RFFL: variants seen among roughly 807,000 people sequenced by gnomAD.
RFFL encodes ring finger and FYVE like domain containing E3 ubiquitin protein ligase, also known as E3 ubiquitin-protein ligase rififylin.
In RFFL, 16 loss-of-function variants were observed where a neutral mutation model predicts 40.4. The ratio of observed to expected loss-of-function variants is 0.40; its 90% CI spans 0.27 to 0.60. The LOEUF is 0.60. RFFL is among the 20% of genes least tolerant of loss of function. The probability of loss-of-function intolerance (pLI) is 0.47; values close to 1 mark genes in which losing one functional copy is unlikely to be tolerated. For synonymous variants in RFFL, 154 were observed against 167.9 expected (o/e 0.92, Z 0.64); for missense variants, 367 against 451.7 (o/e 0.81, Z 1.70).
At chr17:35,062,398 T>C (rs2091297284) in intron 1 of RFFL, among the ~76,000 whole-genome samples, 1 of 151,722 alleles carries the variant, frequency 6.6e-6, no homozygotes, top group South Asian at 2.1e-4. Flanking sequence ...GCAAGATTCC[T>C]CTCAGAAGAA....
chr17:35,025,784 C>G (rs1282414459), intron 2 of RFFL, among the ~76,000 whole-genome samples: 2 of 152,174 alleles, frequency 1.3e-5, no homozygotes, highest in Non-Finnish European at 2.9e-5. Flanking sequence ...CATTATCTAG[C>G]CAGTAATTTT....
At chr17:35,075,978 A>G (rs910888428) in intron 1 of RFFL, among the ~76,000 whole-genome samples, 4 of 149,328 alleles carry the variant, frequency 2.7e-5, no homozygotes, top group Non-Finnish European at 4.4e-5. Flanking sequence ...AAATTCTATC[A>G]ATTTATTCTT....
At chr17:35,040,166 A>G (rs974494843) in intron 1 of RFFL, among the ~76,000 whole-genome samples, 1 of 152,144 alleles carries the variant, frequency 6.6e-6, no homozygotes, top group African/African-American at 2.4e-5. Flanking sequence ...AACATCTCTT[A>G]GCTTCTAGCA....
At chr17:35,084,110 G>C (rs188759459) in intron 1 of RFFL, among the ~76,000 whole-genome samples, 1 of 151,396 alleles carries the variant, frequency 6.6e-6, no homozygotes, top group East Asian at 2.0e-4. Flanking sequence ...GCAGTGGCGC[G>C]TGCCTGTAAT....
At chr17:35,040,576 C>A (rs569542047) in intron 1 of RFFL, among the ~76,000 whole-genome samples, 2 of 150,610 alleles carry the variant, frequency 1.3e-5, no homozygotes, top group South Asian at 2.1e-4. Flanking sequence ...GCACTCCAAC[C>A]TGGGCGACAG....
At chr17:35,021,012 T>C (rs555068675) in intron 3 of RFFL, among the ~76,000 whole-genome samples, 3 of 152,346 alleles carry the variant, frequency 2.0e-5, no homozygotes, top group Non-Finnish European at 4.4e-5. Context: ...CAATGAAGAC[T>C]GCAACAAAGG....
At chr17:35,050,170 T>C (rs901454322) in intron 1 of RFFL, among the ~76,000 whole-genome samples, 1 of 151,510 alleles carries the variant, frequency 6.6e-6, no homozygotes. Context: ...CACTTGAGCC[T>C]GGGAGATCAA....
chr17:35,061,185 T>TA (rs1311886908), intron 1 of RFFL, among the ~76,000 whole-genome samples: 2 of 152,102 alleles, frequency 1.3e-5, no homozygotes, highest in Non-Finnish European at 1.5e-5. Flanking sequence ...AATGGCACCT[T>TA]AAATGAAAAG....
chr17:35,013,146 G>A (rs147830813), intron 6 of RFFL, among the ~76,000 whole-genome samples: 470 of 152,330 alleles, frequency 3.1e-3, no homozygotes, highest in Middle Eastern at 6.8e-3. Flanking sequence ...GGCCAACTGG[G>A]GCAAAAAAGT....
chr17:35,049,880 G>C (rs1328114593), intron 1 of RFFL, among the ~76,000 whole-genome samples: 1 of 152,158 alleles, frequency 6.6e-6, no homozygotes, highest in Admixed American at 6.5e-5. Context: ...TCAGGAGTTT[G>C]AGACCAGCCT....
chr17:35,073,541 T>A (rs1344803798), intron 1 of RFFL, among the ~76,000 whole-genome samples: 1 of 152,204 alleles, frequency 6.6e-6, no homozygotes, highest in Non-Finnish European at 1.5e-5. Context: ...CTCTGGCCCA[T>A]CCTCACAGGA....
intron 1 of RFFL, among the ~76,000 whole-genome samples, chr17:35,057,723 G>C (rs2091269122): frequency 6.7e-6 from 1 of 149,998 alleles, no homozygotes; most frequent in Non-Finnish European, 1.5e-5. Context: ...CCAGTTTTCT[G>C]AAATTACATG....
chr17:35,053,885 T>C (rs1483130189), intron 1 of RFFL, among the ~76,000 whole-genome samples: 1 of 152,218 alleles, frequency 6.6e-6, no homozygotes, highest in Non-Finnish European at 1.5e-5. Flanking sequence ...AAGGAATCCT[T>C]CATTCTAAAA....
chr17:35,065,210 GA>G (rs560439213), upstream of RFFL, among the ~76,000 whole-genome samples: 177 of 141,952 alleles, frequency 1.2e-3, 3 homozygotes, highest in South Asian at 0.025. Context: ...ACCTCCTTCA[GA>G]AAAAAAAAAA....
intron 1 of RFFL, among the ~76,000 whole-genome samples, chr17:35,053,910 T>C (rs899444433): frequency 1.3e-5 from 2 of 152,174 alleles, no homozygotes; most frequent in African/African-American, 4.8e-5. Context: ...AAATTGGCAT[T>C]CCATTCTGAG....
chr17:35,073,426 G>T (rs2091360752), intron 1 of RFFL, among the ~76,000 whole-genome samples: 1 of 152,136 alleles, frequency 6.6e-6, no homozygotes, highest in Non-Finnish European at 1.5e-5. Flanking sequence ...TGGTTTCCAG[G>T]TAAGATGTGA....
intron 3 of RFFL, 43 bp from the exon 4 acceptor site, chr17:35,017,649 G>C (rs1375233125): frequency 1.5e-6 from 2 of 1,315,284 alleles, no homozygotes; most frequent in South Asian, 2.5e-5. Context: ...AGATGTCCCA[G>C]AGATCTGCAT....
At chr17:35,016,318 G>T (rs2090972741) in intron 5 of RFFL, 52 bp downstream of exon 5, 1 of 1,524,470 alleles carries the variant, frequency 6.6e-7, no homozygotes, top group Non-Finnish European at 9.1e-7. Context: ...GCTTTGGAGT[G>T]ACAGCAAACA....
intron 1 of RFFL, among the ~76,000 whole-genome samples, chr17:35,084,349 A>G (rs1288232045): frequency 6.6e-6 from 1 of 151,338 alleles, no homozygotes; most frequent in Non-Finnish European, 1.5e-5. Context: ...TAATCCCAAC[A>G]TTGGGAGGCC....
Sources: gnomAD v4.1 joint callset for allele counts (sites outside exome capture counted in the v4.1 genomes callset) on GRCh38, gnomAD v4.1.1 for gene constraint, MANE v1.5 for transcripts, NCBI Gene and HGNC (gene_info 2026-07-23, HGNC 2026-07-21) for gene names.